Variants in NRXN1 observed in about 807,000 individuals in gnomAD.
The protein encoded by NRXN1 is neurexin-1.
A neutral mutation model predicts 150.9 loss-of-function variants in NRXN1; 39 were observed. That is an observed-to-expected ratio of 0.26 (90% confidence interval 0.20 to 0.34). NRXN1 has a LOEUF of 0.34. Among genes scored for constraint, NRXN1 ranks in the 10% least tolerant of loss-of-function variants. NRXN1 has a pLI of 1.00. For missense variants in NRXN1, 1,815 were observed against 1,949.9 expected, an observed-to-expected ratio of 0.93 and a Z score of 1.30; for synonymous variants, 924 against 757.0, an observed-to-expected ratio of 1.22 and a Z score of -3.62.
intron 5 of NRXN1, chr2:50,917,346 C>A (rs899847481): frequency 1.3e-5 from 2 of 151,642 alleles, no homozygotes; most frequent in Non-Finnish European, 3.0e-5. Context: ...TATCAGAAAT[C>A]ACAGCAAAAT....
At chr2:50,906,385 C>G (rs1432134815) in intron 5 of NRXN1, among the ~76,000 whole-genome samples, 1 of 152,076 alleles carries the variant, frequency 6.6e-6, no homozygotes, top group African/African-American at 2.4e-5. Flanking sequence ...GTCTTGACTC[C>G]AGTCGTGCCC....
At chr2:50,720,289 T>C (rs2059376108) in intron 5 of NRXN1, among the ~76,000 whole-genome samples, 1 of 152,138 alleles carries the variant, frequency 6.6e-6, no homozygotes, top group African/African-American at 2.4e-5. Context: ...GCAAAATTCA[T>C]ATAAAACCAG....
At chr2:50,947,890 T>C (rs937157392) in intron 2 of NRXN1, among the ~76,000 whole-genome samples, 6 of 151,994 alleles carry the variant, frequency 3.9e-5, no homozygotes, top group African/African-American at 1.2e-4. Flanking sequence ...GAGTATCAAT[T>C]TGATAAGTTT....
At chr2:50,748,790 T>G (rs1352455531) in intron 5 of NRXN1, among the ~76,000 whole-genome samples, 2 of 152,118 alleles carry the variant, frequency 1.3e-5, no homozygotes, top group Admixed American at 6.6e-5. Context: ...ATTAACTGCT[T>G]GAGTCAAGAG....
At chr2:50,738,882 G>T (rs1243194430) in intron 5 of NRXN1, among the ~76,000 whole-genome samples, 1 of 152,130 alleles carries the variant, frequency 6.6e-6, no homozygotes. Flanking sequence ...TAGGCAACTG[G>T]ATGCATAGCA....
intron 5 of NRXN1, among the ~76,000 whole-genome samples, chr2:50,671,229 G>T (rs2104726897): frequency 6.6e-6 from 1 of 151,706 alleles, no homozygotes; most frequent in East Asian, 1.9e-4. Context: ...CATTTCCCAA[G>T]TTGCTATAGA....
chr2:50,549,835 A>G (rs1423914555), intron 9 of NRXN1, among the ~76,000 whole-genome samples: 1 of 152,174 alleles, frequency 6.6e-6, no homozygotes, highest in Non-Finnish European at 1.5e-5. Flanking sequence ...CTCATAAAAT[A>G]TTCAAAATAA....
intron 5 of NRXN1, among the ~76,000 whole-genome samples, chr2:50,871,198 G>A (rs900674402): frequency 6.6e-6 from 1 of 151,692 alleles, no homozygotes; most frequent in Non-Finnish European, 1.5e-5. Flanking sequence ...TTTATTTTCA[G>A]TTTATCTTTA....
chr2:50,249,005 T>TA (rs1037620789), intron 17 of NRXN1, among the ~76,000 whole-genome samples: 1 of 149,754 alleles, frequency 6.7e-6, no homozygotes, highest in Non-Finnish European at 1.5e-5. Flanking sequence ...TTTTTTTTTT[T>TA]AATTAGCTGG....
intron 8 of NRXN1, among the ~76,000 whole-genome samples, chr2:50,617,656 T>G (rs369727741): frequency 6.6e-6 from 1 of 152,146 alleles, no homozygotes; most frequent in Non-Finnish European, 1.5e-5. Context: ...CCAAACCCTA[T>G]AGTGACAACA....
intron 18 of NRXN1, among the ~76,000 whole-genome samples, chr2:50,140,100 A>T (rs1014008341): frequency 6.6e-6 from 1 of 152,148 alleles, no homozygotes; most frequent in African/African-American, 2.4e-5. Flanking sequence ...ATCAGTCACA[A>T]ATTAAATGTA....
At chr2:50,038,033 G>A (rs532326203) in intron 21 of NRXN1, among the ~76,000 whole-genome samples, 1 of 152,294 alleles carries the variant, frequency 6.6e-6, no homozygotes, top group East Asian at 1.9e-4. Context: ...AAGAAAGAAA[G>A]AGGGTCGATG....
chr2:50,813,216 T>G (rs1668475555), intron 5 of NRXN1, among the ~76,000 whole-genome samples: 1 of 152,138 alleles, frequency 6.6e-6, no homozygotes. Context: ...TATTAATGGC[T>G]TAAATATGCA....
At chr2:50,719,289 T>C (rs1283852114) in intron 5 of NRXN1, among the ~76,000 whole-genome samples, 2 of 151,816 alleles carry the variant, frequency 1.3e-5, no homozygotes, top group Non-Finnish European at 2.9e-5. Flanking sequence ...AAAATAATAT[T>C]GTTTGGTCAG....
chr2:49,973,737 T>A, intron 21 of NRXN1: 2 of 533,556 alleles, frequency 3.7e-6, no homozygotes, highest in Non-Finnish European at 6.6e-6. Flanking sequence ...TGCTCAGGGT[T>A]TAAGGACATT....
At chr2:50,570,732 C>T (rs1670543916) in intron 8 of NRXN1, among the ~76,000 whole-genome samples, 1 of 146,310 alleles carries the variant, frequency 6.8e-6, no homozygotes, top group African/African-American at 2.7e-5. Flanking sequence ...TATAACATGG[C>T]AGTCATGTTA....
At chr2:50,056,777 T>G (rs552927270) in intron 19 of NRXN1, among the ~76,000 whole-genome samples, 1 of 152,290 alleles carries the variant, frequency 6.6e-6, no homozygotes, top group South Asian at 2.1e-4. Context: ...AATAAGCATG[T>G]TTGACATGTG....
intron 18 of NRXN1, among the ~76,000 whole-genome samples, chr2:50,216,347 C>T (rs535891602): frequency 3.9e-4 from 59 of 152,002 alleles, no homozygotes; most frequent in Middle Eastern, 6.8e-3. Context: ...ACTTAATGCT[C>T]TACTTTGAAA....
At chr2:50,278,690 G>A (rs1298601645) in intron 17 of NRXN1, among the ~76,000 whole-genome samples, 2 of 151,924 alleles carry the variant, frequency 1.3e-5, no homozygotes, top group African/African-American at 4.8e-5. Context: ...TGAAAATTAG[G>A]CCTTACTGAG....
Sources: gnomAD v4.1 joint callset for allele counts (sites outside exome capture counted in the v4.1 genomes callset) on GRCh38, gnomAD v4.1.1 for gene constraint, MANE v1.5 for transcripts, NCBI Gene and HGNC (gene_info 2026-07-23, HGNC 2026-07-21) for gene names.